ARHGAP12: variants seen among roughly 807,000 people sequenced by gnomAD.
The protein encoded by ARHGAP12 is rho GTPase-activating protein 12.
ARHGAP12 carries 64 observed loss-of-function variants against 108.6 expected under a neutral mutation model. The ratio of observed to expected loss-of-function variants is 0.59; its 90% CI spans 0.48 to 0.73. ARHGAP12 has a LOEUF of 0.73. ARHGAP12 is among the 30% of genes least tolerant of loss of function. The pLI is 0.00. For missense variants in ARHGAP12, 940 were observed against 1,005.9 expected, an observed-to-expected ratio of 0.93 and a Z score of 0.89; for synonymous variants, 312 against 337.2, an observed-to-expected ratio of 0.93 and a Z score of 0.82.
intron 4 of ARHGAP12, among the ~76,000 whole-genome samples, chr10:31,861,133 A>G (rs1247401694): frequency 1.3e-5 from 2 of 152,210 alleles, no homozygotes; most frequent in Admixed American, 1.3e-4. Context: ...TCTAAGACAT[A>G]AGGGGGTGCA....
chr10:31,891,868 C>A (rs967459867), intron 3 of ARHGAP12, among the ~76,000 whole-genome samples: 1 of 152,252 alleles, frequency 6.6e-6, no homozygotes, highest in African/African-American at 2.4e-5. Context: ...TCCAGCTGAT[C>A]GAATTGGATA....
intron 3 of ARHGAP12, among the ~76,000 whole-genome samples, chr10:31,896,607 A>C (rs1838708586): frequency 6.6e-6 from 1 of 152,170 alleles, no homozygotes; most frequent in African/African-American, 2.4e-5. Flanking sequence ...ACGAACATCA[A>C]TGTGATTATG....
chr10:31,816,722 G>C (rs1411073417), intron 13 of ARHGAP12, among the ~76,000 whole-genome samples: 1 of 152,170 alleles, frequency 6.6e-6, no homozygotes, highest in Non-Finnish European at 1.5e-5. Flanking sequence ...TATGGCAATG[G>C]CATTAAGGAT....
intron 3 of ARHGAP12, among the ~76,000 whole-genome samples, chr10:31,862,709 C>T (rs553300936): frequency 2.5e-5 from 1 of 40,506 alleles, no homozygotes; most frequent in Non-Finnish European, 5.5e-5. Flanking sequence ...CACACAGACA[C>T]ACACACACAC....
At chr10:31,859,695 G>A (rs147330619) in intron 4 of ARHGAP12, among the ~76,000 whole-genome samples, 1 of 151,850 alleles carries the variant, frequency 6.6e-6, no homozygotes, top group African/African-American at 2.4e-5. Context: ...CTATAATTTA[G>A]TCTTTTTCCT....
chr10:31,823,153 G>A (rs183846406), intron 11 of ARHGAP12, among the ~76,000 whole-genome samples: 5 of 152,142 alleles, frequency 3.3e-5, no homozygotes, highest in East Asian at 3.9e-4. Context: ...TGAAGCCAGG[G>A]ACCATGTTAT....
intron 16 of ARHGAP12, 140 bp from the exon 17 acceptor site, chr10:31,809,447 G>C: frequency 1.4e-6 from 1 of 738,938 alleles, no homozygotes; most frequent in East Asian, 2.7e-5. Context: ...TTCTCTAAAT[G>C]GCTTCTGGTA....
chr10:31,867,989 C>T (rs1050867970), intron 3 of ARHGAP12, among the ~76,000 whole-genome samples: 7 of 152,092 alleles, frequency 4.6e-5, no homozygotes, highest in Non-Finnish European at 1.0e-4. Context: ...CATCTGAGGT[C>T]AGGAGTTCAA....
At chr10:31,879,006 T>G (rs1837839613) in intron 3 of ARHGAP12, among the ~76,000 whole-genome samples, 1 of 152,226 alleles carries the variant, frequency 6.6e-6, no homozygotes, top group Non-Finnish European at 1.5e-5. Flanking sequence ...AATGAAATCT[T>G]CAACTATTTC....
chr10:31,874,605 A>G (rs1837655388), intron 3 of ARHGAP12, among the ~76,000 whole-genome samples: 1 of 152,220 alleles, frequency 6.6e-6, no homozygotes, highest in Admixed American at 6.5e-5. Context: ...GAAATACCTA[A>G]GCCCTGAATT....
At chr10:31,848,391 G>C (rs1836542772) in intron 6 of ARHGAP12, among the ~76,000 whole-genome samples, 1 of 152,124 alleles carries the variant, frequency 6.6e-6, no homozygotes, top group African/African-American at 2.4e-5. Context: ...AGCATTCAAA[G>C]CATATTTTCT....
intron 3 of ARHGAP12, among the ~76,000 whole-genome samples, chr10:31,876,050 T>C (rs975067521): frequency 4.2e-5 from 6 of 142,050 alleles, no homozygotes; most frequent in African/African-American, 1.3e-4. Flanking sequence ...CATCCATCAA[T>C]AGACACAGTT....
chr10:31,836,643 T>C (rs1388905784), intron 9 of ARHGAP12, among the ~76,000 whole-genome samples: 1 of 152,152 alleles, frequency 6.6e-6, no homozygotes, highest in Non-Finnish European at 1.5e-5. Flanking sequence ...GCTTCCTTCT[T>C]TCTTATCACT....
chr10:31,904,422 A>C (rs1302448756), intron 3 of ARHGAP12, among the ~76,000 whole-genome samples: 1 of 152,152 alleles, frequency 6.6e-6, no homozygotes, highest in African/African-American at 2.4e-5. Context: ...AAAACAGATG[A>C]GTGGTGATTG....
At chr10:31,906,129 C>A (rs894578285) in intron 3 of ARHGAP12, among the ~76,000 whole-genome samples, 2 of 152,080 alleles carry the variant, frequency 1.3e-5, no homozygotes, top group African/African-American at 4.8e-5. Context: ...ATGAAGAGGC[C>A]CAACTAGCCC....
At chr10:31,858,809 A>G (rs370763833) in intron 4 of ARHGAP12, among the ~76,000 whole-genome samples, 184 of 152,326 alleles carry the variant, frequency 1.2e-3, no homozygotes, top group African/African-American at 4.3e-3. Flanking sequence ...AACCCACAAC[A>G]ACAGGGAGGA....
Position 31,805,963 on chromosome 10 carries a change from T to C in ARHGAP12, c.*1695A>G, listed in dbSNP as rs1834811541. The stretch of plus-strand genomic sequence containing the variant: ...CACGCTCACAACAACAAATACAGAC[T>C]TTCTACCACAAAATTCAGGTGAGAG... On this transcript the variant is annotated 3_prime_UTR_variant, in exon 20 of 20. Coordinates refer to ENST00000344936, the MANE Select transcript of ARHGAP12 (RefSeq NM_018287.7). The C allele has an allele frequency of 6.6e-6, 1 of 152,134 alleles. No homozygotes were observed. The allele number at this position is 152,134 out of a possible 1,614,324, so 9.4% of individuals were successfully genotyped here. A position where few individuals can be genotyped will look rare whatever the true frequency, so the allele number is the denominator to read the frequency against.
chr10:31,894,804 C>G (rs1233789951), intron 3 of ARHGAP12, among the ~76,000 whole-genome samples: 1 of 152,114 alleles, frequency 6.6e-6, no homozygotes, highest in African/African-American at 2.4e-5. Flanking sequence ...AATCCTAAGC[C>G]AAAAGTACAA....
At chr10:31,901,583 G>T (rs1451251538) in intron 3 of ARHGAP12, among the ~76,000 whole-genome samples, 2 of 148,572 alleles carry the variant, frequency 1.3e-5, no homozygotes, top group Admixed American at 1.3e-4. Flanking sequence ...TCTTAAACCA[G>T]GATGAAGGAA....
Sources: allele counts gnomAD v4.1 joint callset (sites outside exome capture counted in the v4.1 genomes callset), GRCh38; gene constraint gnomAD v4.1.1; transcripts MANE v1.5; gene names NCBI Gene and HGNC (gene_info 2026-07-23, HGNC 2026-07-21).